The following CPED1 variants were observed in gnomAD, a reference collection of about 807,000 sequenced individuals.
CPED1 encodes cadherin like and PC-esterase domain containing 1.
In CPED1, 114 loss-of-function variants were observed where a neutral mutation model predicts 128.2. The observed-to-expected ratio is 0.89, with a 90% CI of 0.76 to 1.04. The LOEUF (loss-of-function observed/expected upper bound fraction) is 1.04, where lower values mean the gene tolerates loss of function less well. Among genes scored for constraint, CPED1 ranks in the 50% least tolerant of loss-of-function variants. The probability of loss-of-function intolerance (pLI) is 0.00; values close to 1 mark genes in which losing one functional copy is unlikely to be tolerated. For missense variants in CPED1, 1,211 were observed against 1,207.1 expected (o/e 1.00, Z -0.05); for synonymous variants, 462 against 426.7 (o/e 1.08, Z -1.02).
chr7:120,989,559 A>C lies in CPED1; in HGVS notation c.-63A>C. ...ACAGATTAGTATTTTTCATGCTGAC[A>C]AAAAATAGCTGCTATGACTTTTCCC... is the stretch of plus-strand genomic sequence containing the variant. On this transcript the variant is annotated 5_prime_UTR_variant, in exon 2 of 23. Coordinates refer to ENST00000310396, the MANE Select transcript of CPED1 (RefSeq NM_024913.5). 1 of 1,579,952 alleles carries C rather than the reference A, an allele frequency of 6.3e-7. No individual in the cohort carries two copies.
At chr7:121,199,368 T>A (rs1049475504) in intron 16 of CPED1, among the ~76,000 whole-genome samples, 5 of 151,946 alleles carry the variant, frequency 3.3e-5, no homozygotes, top group African/African-American at 4.8e-5. Flanking sequence ...ATATGGTCTT[T>A]CCGTGTGCTA....
intron 16 of CPED1, among the ~76,000 whole-genome samples, chr7:121,217,470 A>G (rs1168723667): frequency 6.6e-6 from 1 of 152,012 alleles, no homozygotes; most frequent in Non-Finnish European, 1.5e-5. Context: ...GGAAGATGTC[A>G]TTGTTTTGTA....
intron 7 of CPED1, among the ~76,000 whole-genome samples, chr7:121,105,447 C>T (rs1794951985): frequency 6.6e-6 from 1 of 152,050 alleles, no homozygotes; most frequent in Admixed American, 6.6e-5. Context: ...CGAAGCAGAC[C>T]TTGTAAAAGG....
chr7:121,226,095 G>C (rs1034423962), intron 16 of CPED1, among the ~76,000 whole-genome samples: 2 of 152,036 alleles, frequency 1.3e-5, no homozygotes, highest in African/African-American at 4.8e-5. Flanking sequence ...TTCTGCTCTG[G>C]GTTTTCCCCA....
At chr7:121,217,988 A>AT (rs35530961) in intron 16 of CPED1, among the ~76,000 whole-genome samples, 72,523 of 143,968 alleles carry the variant, frequency 0.5, 19,102 homozygotes, top group East Asian at 0.87. Context: ...GTTTTTGCCA[A>AT]TTTTTTTTTT....
At chr7:121,098,260 C>T (rs565411934) in intron 6 of CPED1, among the ~76,000 whole-genome samples, 1 of 151,870 alleles carries the variant, frequency 6.6e-6, no homozygotes, top group South Asian at 2.1e-4. Flanking sequence ...AAGTTTTCTC[C>T]AGGGAAAGGA....
intron 16 of CPED1, among the ~76,000 whole-genome samples, chr7:121,212,896 G>T (rs1273047029): frequency 6.6e-6 from 1 of 151,918 alleles, no homozygotes; most frequent in Non-Finnish European, 1.5e-5. Context: ...ATTTCTAATG[G>T]ACTGTTATCC....
chr7:121,094,436 A>G (rs1452419726), intron 5 of CPED1, among the ~76,000 whole-genome samples: 1 of 152,224 alleles, frequency 6.6e-6, no homozygotes, highest in African/African-American at 2.4e-5. Flanking sequence ...CATATGTCAC[A>G]TAGAAGGGAA....
chr7:121,257,692 C>G (rs1319200085), intron 18 of CPED1, among the ~76,000 whole-genome samples: 1 of 151,998 alleles, frequency 6.6e-6, no homozygotes, highest in Non-Finnish European at 1.5e-5. Context: ...CCCGGTACAT[C>G]TATTTCTTAC....
chr7:121,190,172 G>A (rs1226938886), intron 16 of CPED1, among the ~76,000 whole-genome samples: 1 of 152,000 alleles, frequency 6.6e-6, no homozygotes, highest in Non-Finnish European at 1.5e-5. Context: ...AAGCCCATTT[G>A]ATGAGGTGAC....
At chr7:121,203,207 C>T (rs907600008) in intron 16 of CPED1, among the ~76,000 whole-genome samples, 1 of 151,988 alleles carries the variant, frequency 6.6e-6, no homozygotes, top group African/African-American at 2.4e-5. Flanking sequence ...TCTCCAAATC[C>T]TTCTATACCT....
At chr7:121,152,153 A>G (rs1392249600) in intron 16 of CPED1, among the ~76,000 whole-genome samples, 1 of 152,246 alleles carries the variant, frequency 6.6e-6, no homozygotes, top group Non-Finnish European at 1.5e-5. Flanking sequence ...GCCCCTACCC[A>G]GTGCCCTCCA....
At chr7:121,130,558 A>C (rs1391263196) in intron 12 of CPED1, among the ~76,000 whole-genome samples, 1 of 152,104 alleles carries the variant, frequency 6.6e-6, no homozygotes, top group Non-Finnish European at 1.5e-5. Flanking sequence ...GAAAGTTTCA[A>C]TCTAGTTTCC....
rs567731365 is a variant in CPED1, at chr7:121,084,121, T to C, written c.617-13578T>C. ...AATATTTCTTTGCCTCTACCTACAT[T>C]TGCTATTTTCAGGCTCCTTCCCCCT... On this transcript the variant is annotated intron_variant, in intron 5 of 22. Transcript: ENST00000310396. Among the ~76,000 whole-genome samples, 11 of 152,274 alleles carry C rather than the reference T, an allele frequency of 7.2e-5. No homozygotes were observed. The East Asian group carries it at 2.1e-3, about 29-fold the overall frequency.
At chr7:121,096,514 T>C (rs982657613) in intron 5 of CPED1, among the ~76,000 whole-genome samples, 1 of 152,158 alleles carries the variant, frequency 6.6e-6, no homozygotes, top group Non-Finnish European at 1.5e-5. Context: ...AATCTGGTCA[T>C]GTCTAACAAA....
At chr7:121,258,704 A>T (rs1791945062) in intron 18 of CPED1, among the ~76,000 whole-genome samples, 1 of 152,050 alleles carries the variant, frequency 6.6e-6, no homozygotes, top group Non-Finnish European at 1.5e-5. Context: ...AGTGTGCTCC[A>T]GTTCACATAT....
chr7:120,992,082 A>C (rs1796318418), intron 2 of CPED1, among the ~76,000 whole-genome samples: 1 of 152,094 alleles, frequency 6.6e-6, no homozygotes, highest in Non-Finnish European at 1.5e-5. Context: ...ATTATTAGAT[A>C]CTCTTTCAGA....
rs1047519042 is a variant in CPED1, at chr7:121,296,588, G to A, written c.*936G>A. ...TTTTTCCCACCAAGCATTTGCATAT[G>A]TCCACAAATAGTATTATGTTACTAG... On this transcript the variant is annotated 3_prime_UTR_variant, in exon 23 of 23. Coordinates refer to ENST00000310396, the MANE Select transcript of CPED1 (RefSeq NM_024913.5). 2 of 152,082 alleles carry A rather than the reference G, an allele frequency of 1.3e-5. No individual in the cohort carries two copies. The highest frequency in any genetic ancestry group is 1.9e-4 in the East Asian group (1 of 5,200). 9.4% of individuals were successfully genotyped at this position (152,082 alleles called of 1,614,324 possible).
intron 10 of CPED1, among the ~76,000 whole-genome samples, chr7:121,128,022 A>G (rs1353579846): frequency 6.6e-6 from 1 of 152,210 alleles, no homozygotes; most frequent in Non-Finnish European, 1.5e-5. Flanking sequence ...GACTTGAATT[A>G]TAATGCTATT....
Sources: gnomAD v4.1 joint callset for allele counts (sites outside exome capture counted in the v4.1 genomes callset) on GRCh38, gnomAD v4.1.1 for gene constraint, MANE v1.5 for transcripts, NCBI Gene and HGNC (gene_info 2026-07-23, HGNC 2026-07-21) for gene names.